ADHFE1: variants seen among roughly 807,000 people sequenced by gnomAD.
ADHFE1 encodes the protein hydroxyacid-oxoacid transhydrogenase, mitochondrial.
ADHFE1 carries 37 observed loss-of-function variants against 54.8 expected under a neutral mutation model. The observed-to-expected ratio is 0.68, with a 90% CI of 0.52 to 0.89. The LOEUF is 0.89. Among genes scored for constraint, ADHFE1 ranks in the 40% least tolerant of loss-of-function variants. ADHFE1 has a pLI of 0.00. For missense variants in ADHFE1, 601 were observed against 591.2 expected, an observed-to-expected ratio of 1.02 and a Z score of -0.17; for synonymous variants, 203 against 229.3, an observed-to-expected ratio of 0.89 and a Z score of 1.04.
At chr8:66,457,299 C>A in intron 12 of ADHFE1, 133 bp downstream of exon 12, 4 of 622,062 alleles carry the variant, frequency 6.4e-6, no homozygotes, top group South Asian at 2.7e-5. Flanking sequence ...GGCAACATGG[C>A]AAAACCCCAT....
At chr8:66,457,899 A>C (rs1224489543) in intron 12 of ADHFE1, among the ~76,000 whole-genome samples, 1 of 152,216 alleles carries the variant, frequency 6.6e-6, no homozygotes, top group Non-Finnish European at 1.5e-5. Flanking sequence ...AGCAGGAGTA[A>C]ATTCCTAATT....
intron 12 of ADHFE1, among the ~76,000 whole-genome samples, chr8:66,457,971 T>G (rs1479803689): frequency 6.6e-6 from 1 of 152,150 alleles, no homozygotes; most frequent in Admixed American, 6.5e-5. Context: ...CCTGATCAAT[T>G]AGAAACTTTA....
rs534514719 is a variant in ADHFE1, at chr8:66,463,899, C to A, written c.1320+3434C>A. Among the ~76,000 whole-genome samples, 3 of 152,330 alleles carry A rather than the reference C, an allele frequency of 2.0e-5. No homozygotes were observed. The South Asian group carries it at 6.2e-4, about 32-fold the overall frequency. ...CCATACTGGTGGCAGCTAATAGCAG[C>A]CCTGTGTACAGAGGCTTTCAACTGC... On this transcript the variant is annotated intron_variant, in intron 13 of 13. Transcript: ENST00000396623.
intron 1 of ADHFE1, among the ~76,000 whole-genome samples, chr8:66,433,645 A>G (rs999964311): frequency 6.6e-6 from 1 of 152,232 alleles, no homozygotes; most frequent in Non-Finnish European, 1.5e-5. Flanking sequence ...TTAGGCCTGT[A>G]GTAAGGAATT....
At chr8:66,440,046 A>G (rs1805666021) in intron 1 of ADHFE1, 116 bp from the exon 2 acceptor site, 3 of 1,010,942 alleles carry the variant, frequency 3.0e-6, no homozygotes, top group Non-Finnish European at 4.5e-6. Flanking sequence ...GCCAAGAACT[A>G]CCAATTTGAT....
At chr8:66,457,539 A>T (rs1217865500) in intron 12 of ADHFE1, among the ~76,000 whole-genome samples, 2 of 151,736 alleles carry the variant, frequency 1.3e-5, no homozygotes, top group Non-Finnish European at 2.9e-5. Context: ...GCGATAGCTT[A>T]ATAATGAAAT....
intron 13 of ADHFE1, among the ~76,000 whole-genome samples, chr8:66,462,956 G>T (rs1670284027): frequency 5.3e-5 from 8 of 152,166 alleles, no homozygotes; most frequent in Admixed American, 5.2e-4. Flanking sequence ...CGAGTAGCTG[G>T]TATTACAGGC....
At chr8:66,447,826 C>G (rs1191266849) in intron 7 of ADHFE1, among the ~76,000 whole-genome samples, 2 of 152,130 alleles carry the variant, frequency 1.3e-5, no homozygotes, top group Non-Finnish European at 2.9e-5. Flanking sequence ...CATTCTCTGC[C>G]CAAGTTACTG....
chr8:66,468,038 C>T (rs1413334156), intron 13 of ADHFE1, among the ~76,000 whole-genome samples: 1 of 151,994 alleles, frequency 6.6e-6, no homozygotes, highest in South Asian at 2.1e-4. Flanking sequence ...GTTGCCAGGG[C>T]GTAAGGCAAG....
chr8:66,463,742 C>T (rs1347830381), intron 13 of ADHFE1, among the ~76,000 whole-genome samples: 1 of 152,178 alleles, frequency 6.6e-6, no homozygotes, highest in East Asian at 1.9e-4. Flanking sequence ...TATACTGGCT[C>T]CTCCAAAGAA....
At chr8:66,437,330 G>A (rs1311796000) in intron 1 of ADHFE1, among the ~76,000 whole-genome samples, 16 of 152,052 alleles carry the variant, frequency 1.1e-4, no homozygotes, top group Admixed American at 1.0e-3. Context: ...TGCGATTTAG[G>A]GAATGCAAGA....
At chr8:66,453,893 G>A in intron 9 of ADHFE1, 166 bp from the exon 10 acceptor site, 1 of 1,510,400 alleles carries the variant, frequency 6.6e-7, no homozygotes, top group South Asian at 1.3e-5. Context: ...TTTCCCTTCA[G>A]TTTTCATTTA....
intron 3 of ADHFE1, among the ~76,000 whole-genome samples, 171 bp from the exon 4 acceptor site, chr8:66,444,196 G>A (rs540462498): frequency 6.6e-6 from 1 of 152,330 alleles, no homozygotes; most frequent in Admixed American, 6.5e-5. Flanking sequence ...TTAAGGAAGT[G>A]TGGTGCGTCC....
At chr8:66,435,218 T>TA (rs1461275138) in intron 1 of ADHFE1, among the ~76,000 whole-genome samples, 3 of 152,330 alleles carry the variant, frequency 2.0e-5, no homozygotes, top group Non-Finnish European at 4.4e-5. Flanking sequence ...CTCACTATGT[T>TA]AGTTTCCTAC....
chr8:66,468,221 A>G (rs1807303327), intron 13 of ADHFE1, 48 bp from the exon 14 acceptor site: 1 of 1,449,760 alleles, frequency 6.9e-7, no homozygotes, highest in Non-Finnish European at 9.5e-7. Context: ...AGCTTTTACA[A>G]ACTGCCTTTT....
Position 66,432,575 on chromosome 8 carries a change from C to T in ADHFE1, c.59C>T (p.Ala20Val), listed in dbSNP as rs1317452033. 3.7e-6 allele frequency: 5 copies of T among 1,334,238 alleles called. No individual in the cohort carries two copies. Among genetic ancestry groups the T allele is most frequent in the Non-Finnish European group, 4.8e-6 (5 of 1,034,760 alleles). 82.6% of individuals were successfully genotyped at this position (1,334,238 alleles called of 1,614,324 possible). ...TTGCTGAGGCAACTGCAACGCGCAG[C>T]GTGAGTGCGGGGCCGGCGGGCGGGC... The part of the protein sequence containing the change: ...AYLLRQLQRA[A>V]CQCPTHSHTY... The change falls in exon 1 of 14, where the codon GCG becomes GTG. Residue 20 changes from alanine to valine, a missense_variant and splice_region_variant. Ala to Val is a moderately conservative substitution (Grantham distance 64). Coordinates refer to ENST00000396623, the MANE Select transcript of ADHFE1 (RefSeq NM_144650.3).
intron 13 of ADHFE1, among the ~76,000 whole-genome samples, chr8:66,463,508 C>T (rs1169942940): frequency 6.6e-6 from 1 of 152,104 alleles, no homozygotes; most frequent in Non-Finnish European, 1.5e-5. Flanking sequence ...TTGGAGTCTA[C>T]GTGATTGAGA....
intron 10 of ADHFE1, among the ~76,000 whole-genome samples, chr8:66,455,603 C>T (rs897652224): frequency 3.2e-4 from 49 of 152,218 alleles, no homozygotes; most frequent in African/African-American, 1.2e-3. Flanking sequence ...CACCAATTCT[C>T]TTCTAGGAAT....
chr8:66,440,055 A>G (rs74577979), intron 1 of ADHFE1, 107 bp from the exon 2 acceptor site: 2 of 1,071,230 alleles, frequency 1.9e-6, no homozygotes, highest in Non-Finnish European at 2.8e-6. Context: ...TACCAATTTG[A>G]TAGCATCTTA....
Sources: gnomAD v4.1 joint callset for allele counts (sites outside exome capture counted in the v4.1 genomes callset) on GRCh38, gnomAD v4.1.1 for gene constraint, MANE v1.5 for transcripts, NCBI Gene and HGNC (gene_info 2026-07-23, HGNC 2026-07-21) for gene names.